Variants in ASTN2 observed in about 807,000 individuals in gnomAD.
ASTN2 encodes the protein astrotactin 2, also known as astrotactin-2.
In ASTN2, 54 loss-of-function variants were observed where a neutral mutation model predicts 139.8. That is an observed-to-expected ratio of 0.39 (90% CI 0.31 to 0.48). The LOEUF is 0.48. Ranked by LOEUF, ASTN2 falls within the 20% of genes least tolerant of loss-of-function variation. The pLI is 0.95. For missense variants in ASTN2, 1,565 were observed against 1,725.1 expected (o/e 0.91, Z 1.64); for synonymous variants, 756 against 719.5 (o/e 1.05, Z -0.81).
At chr9:116,486,997 A>C (rs570433192) in intron 20 of ASTN2, among the ~76,000 whole-genome samples, 6 of 152,280 alleles carry the variant, frequency 3.9e-5, no homozygotes, top group Admixed American at 3.3e-4. Context: ...AAAGAGAAGA[A>C]AGGATACAAG....
At chr9:116,704,820 T>G (rs1170450237) in intron 16 of ASTN2, among the ~76,000 whole-genome samples, 6 of 151,506 alleles carry the variant, frequency 4.0e-5, no homozygotes, top group Non-Finnish European at 7.4e-5. Flanking sequence ...ATTAAAGTAA[T>G]TAAGATGGCA....
intron 19 of ASTN2, among the ~76,000 whole-genome samples, chr9:116,557,410 TTCTTG>T (rs1564114302): frequency 6.6e-6 from 1 of 152,142 alleles, no homozygotes; most frequent in Non-Finnish European, 1.5e-5. Flanking sequence ...CTTTTCAGTA[TTCTTG>T]AGTTAAATGA....
At chr9:117,122,687 A>G (rs1829587717) in intron 4 of ASTN2, among the ~76,000 whole-genome samples, 1 of 152,156 alleles carries the variant, frequency 6.6e-6, no homozygotes, top group Admixed American at 6.5e-5. Flanking sequence ...TTGCTTGTTC[A>G]ACACCAACTT....
intron 19 of ASTN2, among the ~76,000 whole-genome samples, chr9:116,528,959 G>A (rs991348784): frequency 6.6e-6 from 1 of 152,222 alleles, no homozygotes; most frequent in East Asian, 1.9e-4. Context: ...GCAGAAGTCT[G>A]CTGCAGGGGA....
intron 1 of ASTN2, among the ~76,000 whole-genome samples, chr9:117,330,481 G>C (rs932650633): frequency 2.0e-5 from 3 of 152,154 alleles, no homozygotes; most frequent in African/African-American, 7.2e-5. Flanking sequence ...GAGGACGGCA[G>C]GGCTCCAGGG....
chr9:117,062,051 C>A (rs1483912876), intron 5 of ASTN2, among the ~76,000 whole-genome samples: 1 of 152,192 alleles, frequency 6.6e-6, no homozygotes, highest in Non-Finnish European at 1.5e-5. Flanking sequence ...GAGCTGGGAT[C>A]TCACGCAAGG....
At chr9:117,248,579 C>T (rs1397551615) in intron 2 of ASTN2, among the ~76,000 whole-genome samples, 2 of 152,150 alleles carry the variant, frequency 1.3e-5, no homozygotes, top group African/African-American at 4.8e-5. Flanking sequence ...TGGTAACTTT[C>T]CAAATGTGTG....
chr9:117,218,218 G>A (rs1458317732), intron 2 of ASTN2, among the ~76,000 whole-genome samples: 1 of 152,184 alleles, frequency 6.6e-6, no homozygotes, highest in Non-Finnish European at 1.5e-5. Flanking sequence ...TGAGCTTGAG[G>A]TTCCCTTTAG....
At chr9:116,462,707 T>C (rs1848525249) in intron 20 of ASTN2, among the ~76,000 whole-genome samples, 1 of 151,982 alleles carries the variant, frequency 6.6e-6, no homozygotes, top group African/African-American at 2.4e-5. Context: ...TTCCTTGGGT[T>C]AAGGGAAGTT....
chr9:116,946,949 A>AC (rs1564354646), intron 10 of ASTN2, among the ~76,000 whole-genome samples: 3 of 151,754 alleles, frequency 2.0e-5, no homozygotes, highest in African/African-American at 4.8e-5. Context: ...AAAAAAAAAA[A>AC]AACAACCCAG....
chr9:117,075,277 C>T (rs1052951537), intron 5 of ASTN2, among the ~76,000 whole-genome samples: 1 of 152,168 alleles, frequency 6.6e-6, no homozygotes, highest in Admixed American at 6.5e-5. Context: ...CCAGCCTCCC[C>T]TAGCCCCAGG....
At chr9:116,526,908 T>A (rs898883996) in intron 19 of ASTN2, among the ~76,000 whole-genome samples, 1 of 152,162 alleles carries the variant, frequency 6.6e-6, no homozygotes, top group Admixed American at 6.6e-5. Flanking sequence ...TACAGCCAAC[T>A]AATTTTCAAC....
At chr9:116,892,206 C>G (rs538964023) in intron 10 of ASTN2, among the ~76,000 whole-genome samples, 1 of 152,234 alleles carries the variant, frequency 6.6e-6, no homozygotes, top group Admixed American at 6.5e-5. Flanking sequence ...AAATACTGTT[C>G]TTGCTCACTC....
intron 19 of ASTN2, among the ~76,000 whole-genome samples, chr9:116,513,232 A>C (rs1850483100): frequency 6.6e-6 from 1 of 152,066 alleles, no homozygotes; most frequent in African/African-American, 2.4e-5. Context: ...CTTGTCTATA[A>C]AGGATTTTAT....
In ASTN2 at chr9:116,976,170, T is replaced by C; in HGVS notation, c.1695A>G (p.Thr565=). 6.2e-7 allele frequency: 1 copy of C among 1,614,046 alleles called. No homozygotes were observed. Among genetic ancestry groups the C allele is most frequent in the Non-Finnish European group, 8.5e-7 (1 of 1,179,968 alleles). ...GQSEGPWPYT[T]LERGYDLVTG... ...TCACCAGATCATAGCCCCTCTCAAG[T>C]GTCGTGTAGGGCCAAGGTCTATGGG... Residue 565 remains threonine (T), a synonymous_variant, in exon 9 of 23, where the codon ACA becomes ACG. Coordinates refer to ENST00000313400, the MANE Select transcript of ASTN2 (RefSeq NM_001365068.1).
At chr9:117,098,032 A>G (rs1488173914) in intron 4 of ASTN2, among the ~76,000 whole-genome samples, 1 of 152,234 alleles carries the variant, frequency 6.6e-6, no homozygotes, top group Non-Finnish European at 1.5e-5. Context: ...ATGCAAAGTT[A>G]CTTGCATAGT....
intron 20 of ASTN2, among the ~76,000 whole-genome samples, chr9:116,468,810 T>C (rs1848727217): frequency 6.6e-6 from 1 of 152,218 alleles, no homozygotes; most frequent in South Asian, 2.1e-4. Context: ...TACCAACTTC[T>C]TTCATCATCC....
chr9:117,006,714 T>C (rs1247959705), intron 7 of ASTN2, among the ~76,000 whole-genome samples: 4 of 152,146 alleles, frequency 2.6e-5, no homozygotes, highest in Non-Finnish European at 4.4e-5. Context: ...TATTATAGTA[T>C]ACAAGGCCCT....
chr9:116,587,103 G>C (rs969567312), intron 19 of ASTN2, among the ~76,000 whole-genome samples: 15 of 152,284 alleles, frequency 9.9e-5, no homozygotes, highest in Middle Eastern at 3.4e-3. Context: ...CACTTTGGGA[G>C]GCTGAGGTGG....
Sources: allele counts gnomAD v4.1 joint callset (sites outside exome capture counted in the v4.1 genomes callset), GRCh38; gene constraint gnomAD v4.1.1; transcripts MANE v1.5; gene names NCBI Gene and HGNC (gene_info 2026-07-23, HGNC 2026-07-21).